Variants in AP2B1 observed in about 807,000 individuals in gnomAD.
AP2B1 encodes adaptor related protein complex 2 subunit beta 1.
AP2B1 carries 23 observed loss-of-function variants against 102.0 expected under a neutral mutation model. The observed-to-expected ratio is 0.23, with a 90% CI of 0.16 to 0.32. AP2B1 has a LOEUF of 0.32. Ranked by LOEUF, AP2B1 falls within the 10% of genes least tolerant of loss-of-function variation. The pLI, the probability that AP2B1 is intolerant of heterozygous loss-of-function variation, is 1.00. For synonymous variants in AP2B1, 381 were observed against 421.2 expected, an observed-to-expected ratio of 0.90 and a Z score of 1.17; for missense variants, 541 against 1,157.4, an observed-to-expected ratio of 0.47 and a Z score of 7.73.
chr17:35,626,336 G>A lies in AP2B1; in HGVS notation c.717-285G>A, dbSNP rs115640601. Reference sequence around the variant, plus strand: ...ACTATAAAACAAGAAGGTAAATGGTGTGAGCTCAAGTGTCTTGGGTATTGC... The same window carrying A: ...ACTATAAAACAAGAAGGTAAATGGTATGAGCTCAAGTGTCTTGGGTATTGC... On this transcript the variant is annotated intron_variant, in intron 6 of 21. Transcript: ENST00000610402. Among the ~76,000 whole-genome samples the A allele has an allele frequency of 2.2e-3, 337 of 152,220 alleles. 1 individual carries two copies. Among genetic ancestry groups the A allele is most frequent in the African/African-American group, 7.9e-3 (329 of 41,534 alleles).
intron 20 of AP2B1, among the ~76,000 whole-genome samples, chr17:35,712,569 C>T (rs1433267531): frequency 6.6e-6 from 1 of 151,886 alleles, no homozygotes; most frequent in East Asian, 1.9e-4. Flanking sequence ...GCGGAGCTTG[C>T]AGTGAGCCAA....
chr17:35,595,450 G>T (rs140489402), intron 2 of AP2B1, among the ~76,000 whole-genome samples: 32 of 152,276 alleles, frequency 2.1e-4, no homozygotes, highest in African/African-American at 7.7e-4. Context: ...GGGAGGCTGA[G>T]GTGGGAGGAT....
In AP2B1 at chr17:35,717,319, A is replaced by G. The variant is rs2076568484; in HGVS notation, c.2751A>G (p.Leu917=). The part of the protein sequence containing the change: ...LTNGIWILAE[L]RIQPGNPNYT... ...ATGGCATTTGGATTTTGGCCGAACT[A>G]CGTATCCAGCCAGGAAACCCCAATT... is the stretch of plus-strand genomic sequence containing the variant. The change falls in exon 21 of 22, where the codon CTA becomes CTG. Residue 917 remains leucine, a synonymous_variant. Coordinates refer to ENST00000610402, the MANE Select transcript of AP2B1 (RefSeq NM_001030006.2). 6.2e-7 allele frequency: 1 copy of G among 1,614,166 alleles called. No homozygotes were observed. Among genetic ancestry groups the G allele is most frequent in the Non-Finnish European group, 8.5e-7 (1 of 1,179,992 alleles).
intron 18 of AP2B1, among the ~76,000 whole-genome samples, chr17:35,686,260 CG>C (rs2075928919): frequency 6.6e-6 from 1 of 152,272 alleles, no homozygotes; most frequent in African/African-American, 2.4e-5. Flanking sequence ...ATTTATATCA[CG>C]TAATTATATT....
At chr17:35,687,570 T>G (rs897899147) in intron 18 of AP2B1, among the ~76,000 whole-genome samples, 1 of 152,074 alleles carries the variant, frequency 6.6e-6, no homozygotes, top group African/African-American at 2.4e-5. Context: ...TTTTAAGAGA[T>G]AAAATCTTGC....
intron 10 of AP2B1, 48 bp downstream of exon 10, chr17:35,636,504 G>A (rs374583609): frequency 6.9e-7 from 1 of 1,439,126 alleles, no homozygotes; most frequent in African/African-American, 1.4e-5. Flanking sequence ...CTTAGGAAAT[G>A]TTTAAGGCAC....
At chr17:35,616,155 T>A (rs1453942679) in intron 5 of AP2B1, among the ~76,000 whole-genome samples, 1 of 56,272 alleles carries the variant, frequency 1.8e-5, no homozygotes, top group African/African-American at 8.6e-5. Context: ...TTTTTTTTTT[T>A]TTTTTTTTTT....
chr17:35,705,102 G>A (rs1344037618), intron 18 of AP2B1, among the ~76,000 whole-genome samples: 1 of 152,172 alleles, frequency 6.6e-6, no homozygotes, highest in Non-Finnish European at 1.5e-5. Context: ...TGGGGAATAA[G>A]AAGTAATTTT....
chr17:35,673,562 A>C lies in AP2B1; in HGVS notation c.2179-614A>C, dbSNP rs552782448. 2.6e-5 allele frequency among the ~76,000 whole-genome samples: 4 copies of C among 152,320 alleles called. No homozygotes were observed. In the East Asian group the frequency reaches 7.7e-4, roughly 29 times the overall value. On this transcript the variant is annotated intron_variant, in intron 16 of 21. Transcript: ENST00000610402. ...AGGTTCCAGGACCAAGGGGCGTGTT[A>C]TGAATTATTTAGGTAGATAAAAAGA...
intron 10 of AP2B1, 51 bp downstream of exon 10, chr17:35,636,507 T>G: frequency 7.1e-7 from 1 of 1,417,680 alleles, no homozygotes; most frequent in Non-Finnish European, 9.9e-7. Flanking sequence ...AGGAAATGTT[T>G]AAGGCACTTT....
chr17:35,647,310 T>A (rs542385238), intron 12 of AP2B1, among the ~76,000 whole-genome samples: 13 of 152,314 alleles, frequency 8.5e-5, no homozygotes, highest in African/African-American at 2.9e-4. Context: ...TCAAGCTTTG[T>A]TTTCAAATGA....
intron 13 of AP2B1, 54 bp from the exon 14 acceptor site, chr17:35,657,540 TATGTC>T: frequency 7.0e-7 from 1 of 1,434,062 alleles, no homozygotes. Flanking sequence ...GTTGCGATGT[TATGTC>T]CTAGGTGAAA....
chr17:35,604,189 C>T (rs2073584634), intron 3 of AP2B1, among the ~76,000 whole-genome samples: 1 of 152,020 alleles, frequency 6.6e-6, no homozygotes, highest in Non-Finnish European at 1.5e-5. Context: ...CTCACTGCAG[C>T]CTCCGCATCC....
At chr17:35,700,804 TC>T (rs1020431997) in intron 18 of AP2B1, among the ~76,000 whole-genome samples, 86 of 152,364 alleles carry the variant, frequency 5.6e-4, no homozygotes, top group African/African-American at 2.0e-3. Flanking sequence ...GGTTGTTCTT[TC>T]CTTAGCAGCC....
At chr17:35,598,729 A>G (rs1436579560) in intron 3 of AP2B1, among the ~76,000 whole-genome samples, 3 of 152,230 alleles carry the variant, frequency 2.0e-5, no homozygotes, top group East Asian at 1.9e-4. Context: ...TTACAACTGT[A>G]CATTCAATTG....
At chr17:35,595,740 C>A (rs897877023) in intron 2 of AP2B1, among the ~76,000 whole-genome samples, 3 of 152,104 alleles carry the variant, frequency 2.0e-5, no homozygotes, top group African/African-American at 7.2e-5. Context: ...TCCTGCCCAA[C>A]TTTTTCCTCC....
intron 14 of AP2B1, among the ~76,000 whole-genome samples, chr17:35,669,579 A>G (rs1488339826): frequency 6.6e-6 from 1 of 152,224 alleles, no homozygotes; most frequent in Non-Finnish European, 1.5e-5. Flanking sequence ...ATGCTTGCTA[A>G]TGCCAGTTAT....
intron 5 of AP2B1, among the ~76,000 whole-genome samples, chr17:35,612,583 C>T (rs944025410): frequency 1.3e-5 from 2 of 152,198 alleles, no homozygotes. Flanking sequence ...GATGCTTTTA[C>T]TTACAATGTT....
At chr17:35,612,877 TGC>T (rs773030579) in intron 5 of AP2B1, among the ~76,000 whole-genome samples, 4,357 of 71,880 alleles carry the variant, frequency 0.061, 85 homozygotes, top group Middle Eastern at 0.12. Context: ...AATGTGTATG[TGC>T]GCACACACAC....
Sources: allele counts gnomAD v4.1 joint callset (sites outside exome capture counted in the v4.1 genomes callset), GRCh38; gene constraint gnomAD v4.1.1; transcripts MANE v1.5; gene names NCBI Gene and HGNC (gene_info 2026-07-23, HGNC 2026-07-21).